The following IQCJ variants were observed in gnomAD, a reference collection of about 807,000 sequenced individuals.
IQCJ encodes IQ domain-containing protein J.
A neutral mutation model predicts 11.0 loss-of-function variants in IQCJ; 9 were observed. That is an observed-to-expected ratio of 0.82 (90% CI 0.49 to 1.43). The LOEUF (loss-of-function observed/expected upper bound fraction) is 1.43. Ranked by LOEUF, IQCJ falls within the 40% of genes most tolerant of loss-of-function variation. The probability of loss-of-function intolerance (pLI) is 0.00; values close to 1 mark genes in which losing one functional copy is unlikely to be tolerated. For missense variants in IQCJ, 146 were observed against 133.2 expected, an observed-to-expected ratio of 1.10 and a Z score of -0.47; for synonymous variants, 55 against 51.3, an observed-to-expected ratio of 1.07 and a Z score of -0.31.
chr3:159,131,483 T>A (rs1559997077), intron 1 of IQCJ, among the ~76,000 whole-genome samples: 1 of 152,142 alleles, frequency 6.6e-6, no homozygotes, highest in Non-Finnish European at 1.5e-5. Context: ...ACTTCTTTGC[T>A]CTCTCTGCTT....
intron 1 of IQCJ, among the ~76,000 whole-genome samples, chr3:159,218,483 A>C (rs1232916074): frequency 6.6e-6 from 1 of 152,152 alleles, no homozygotes; most frequent in African/African-American, 2.4e-5. Context: ...AAATGTAAAA[A>C]TACTACAATA....
At chr3:159,152,644 G>A (rs544707499) in intron 1 of IQCJ, among the ~76,000 whole-genome samples, 1 of 152,308 alleles carries the variant, frequency 6.6e-6, no homozygotes, top group East Asian at 1.9e-4. Context: ...CAATCATTGA[G>A]TACTTACTAT....
intron 1 of IQCJ, among the ~76,000 whole-genome samples, chr3:159,160,993 C>A (rs866166932): frequency 5.3e-5 from 8 of 152,098 alleles, no homozygotes; most frequent in Non-Finnish European, 1.2e-4. Context: ...AATAAACATA[C>A]GTGTGCATGT....
At chr3:159,093,337 A>G (rs1174881283) in intron 1 of IQCJ, among the ~76,000 whole-genome samples, 1 of 151,926 alleles carries the variant, frequency 6.6e-6, no homozygotes, top group African/African-American at 2.4e-5. Context: ...ATTTTCAAAG[A>G]GAAAAGTCAG....
At chr3:159,249,613 G>A (rs971085297) in intron 2 of IQCJ, among the ~76,000 whole-genome samples, 4 of 152,176 alleles carry the variant, frequency 2.6e-5, no homozygotes, top group African/African-American at 7.2e-5. Context: ...GTCCTTGAAT[G>A]CTGTCAAATT....
intron 1 of IQCJ, among the ~76,000 whole-genome samples, chr3:159,147,528 C>T (rs920303890): frequency 1.3e-5 from 2 of 152,190 alleles, no homozygotes; most frequent in African/African-American, 2.4e-5. Flanking sequence ...GCAGACTGAG[C>T]TTGACCTAGA....
At chr3:159,192,588 G>A (rs1438518429) in intron 1 of IQCJ, among the ~76,000 whole-genome samples, 4 of 152,188 alleles carry the variant, frequency 2.6e-5, no homozygotes, top group Non-Finnish European at 5.9e-5. Flanking sequence ...AAAGGACCTG[G>A]TTTTTGATCA....
At chr3:159,095,092 A>C (rs541836405) in intron 1 of IQCJ, among the ~76,000 whole-genome samples, 1 of 151,796 alleles carries the variant, frequency 6.6e-6, no homozygotes, top group South Asian at 2.1e-4. Flanking sequence ...CTCTTTTTCT[A>C]TAGTTATTAT....
chr3:159,181,647 T>C (rs1723096687), intron 1 of IQCJ, among the ~76,000 whole-genome samples: 1 of 151,506 alleles, frequency 6.6e-6, no homozygotes, highest in Non-Finnish European at 1.5e-5. Context: ...GAGTTACCTA[T>C]CACAGTGAAT....
chr3:159,089,141 C>T (rs1452124662), intron 1 of IQCJ, among the ~76,000 whole-genome samples: 1 of 151,966 alleles, frequency 6.6e-6, no homozygotes, highest in East Asian at 1.9e-4. Flanking sequence ...TCAGCATTTG[C>T]TTGTCTGTAA....
At chr3:159,265,389 C>T (rs1163565987), downstream of IQCJ, 3 of 1,613,120 alleles carry the variant, frequency 1.9e-6, no homozygotes, top group East Asian at 6.7e-5. Flanking sequence ...ACTTGGTTTT[C>T]TCACCCTCCA....
intron 1 of IQCJ, among the ~76,000 whole-genome samples, chr3:159,114,708 C>A (rs187344177): frequency 5.3e-5 from 8 of 152,272 alleles, no homozygotes; most frequent in Non-Finnish European, 1.0e-4. Flanking sequence ...AGAGCCACAG[C>A]CTCTGCTCTG....
intron 1 of IQCJ, among the ~76,000 whole-genome samples, chr3:159,141,881 A>T (rs2108182252): frequency 6.6e-6 from 1 of 152,346 alleles, no homozygotes; most frequent in Middle Eastern, 3.4e-3. Context: ...TATTTATGAT[A>T]ACATATTAGA....
At chr3:159,225,496 A>G (rs1047581961) in intron 1 of IQCJ, among the ~76,000 whole-genome samples, 3 of 152,210 alleles carry the variant, frequency 2.0e-5, no homozygotes, top group African/African-American at 2.4e-5. Context: ...TGTGATGTAA[A>G]TATCATAACA....
intron 1 of IQCJ, among the ~76,000 whole-genome samples, chr3:159,091,660 A>G (rs1469334392): frequency 5.3e-5 from 3 of 56,342 alleles, no homozygotes; most frequent in Admixed American, 5.8e-4. Flanking sequence ...ACACACACAC[A>G]CACACACACG....
intron 1 of IQCJ, among the ~76,000 whole-genome samples, chr3:159,150,377 G>T (rs888009670): frequency 6.6e-6 from 1 of 152,154 alleles, no homozygotes; most frequent in Admixed American, 6.5e-5. Context: ...ATGTCTTCCG[G>T]TTCCCATTTG....
chr3:159,262,616 C>A lies in IQCJ; in HGVS notation c.224C>A (p.Pro75His). The change falls in exon 4 of 4, where the codon CCC becomes CAC. Residue 75 changes from proline (P) to histidine (H), a missense_variant. Pro to His is a moderately conservative substitution (Grantham distance 77). Coordinates refer to ENST00000397832, the MANE Select transcript of IQCJ (RefSeq NM_001042706.3). Reference protein sequence around the residue: ...EPLGKRSPSPPSVSSEKLSSS... With the variant: ...EPLGKRSPSPHSVSSEKLSSS... The stretch of plus-strand genomic sequence containing the variant: ...CTGGGGAAGAGGAGCCCGTCCCCAC[C>A]CTCTGTCTCCTCAGAGAAGCTGAGC... 1 of 1,613,970 alleles carries A rather than the reference C, an allele frequency of 6.2e-7. No homozygotes were observed. Among genetic ancestry groups the A allele is most frequent in the Non-Finnish European group, 8.5e-7 (1 of 1,179,860 alleles).
chr3:159,209,454 G>C (rs745933758), intron 1 of IQCJ, among the ~76,000 whole-genome samples: 5 of 152,098 alleles, frequency 3.3e-5, no homozygotes, highest in Non-Finnish European at 7.4e-5. Flanking sequence ...CTGGACAGAC[G>C]GATGGCTGAG....
chr3:159,260,430 G>A (rs990081831), intron 3 of IQCJ, among the ~76,000 whole-genome samples: 1 of 152,174 alleles, frequency 6.6e-6, no homozygotes, highest in African/African-American at 2.4e-5. Context: ...TTTTTAGACA[G>A]CCTTTAAAAT....
Sources: allele counts gnomAD v4.1 joint callset (sites outside exome capture counted in the v4.1 genomes callset), GRCh38; gene constraint gnomAD v4.1.1; transcripts MANE v1.5; gene names NCBI Gene and HGNC (gene_info 2026-07-23, HGNC 2026-07-21).